The following FBXO27 variants were observed in gnomAD, a reference collection of about 807,000 sequenced individuals.
FBXO27 encodes F-box protein 27.
A neutral mutation model predicts 28.3 loss-of-function variants in FBXO27; 28 were observed. The observed-to-expected ratio is 0.99, with a 90% CI of 0.73 to 1.36. The LOEUF (loss-of-function observed/expected upper bound fraction) is 1.36, where lower values mean the gene tolerates loss of function less well. Ranked by LOEUF, FBXO27 falls within the 40% of genes most tolerant of loss-of-function variation. The pLI, the probability that FBXO27 is intolerant of heterozygous loss-of-function variation, is 0.00. For missense variants in FBXO27, 388 were observed against 394.1 expected, an observed-to-expected ratio of 0.98 and a Z score of 0.13; for synonymous variants, 175 against 167.3, an observed-to-expected ratio of 1.05 and a Z score of -0.36.
chr19:39,023,617 T>A (rs981741232), downstream of FBXO27, among the ~76,000 whole-genome samples: 18 of 151,954 alleles, frequency 1.2e-4, no homozygotes, highest in African/African-American at 3.9e-4. Flanking sequence ...ATTGTCTTTT[T>A]TTTTTTTTTA....
At position 39,032,132 on chromosome 19, in the gene FBXO27, C is replaced by A; in HGVS notation, c.96G>T (p.Glu32Asp). ...CGTGGCTCAGCACCACCAGAAGCAG[C>A]TCTGGGGGTAGTTGGCTCAGGTCCA... Reference protein sequence around the residue: ...EALDLSQLPPELLLVVLSHVP... With the variant: ...EALDLSQLPPDLLLVVLSHVP... The change falls in exon 2 of 6, where the codon GAG becomes GAT. Residue 32 changes from glutamate to aspartate, a missense_variant. Physicochemically the swap from Glu to Asp is conservative, Grantham distance 45 (BLOSUM62 2). Coordinates refer to ENST00000292853, the MANE Select transcript of FBXO27 (RefSeq NM_178820.5). The surrounding 1 kb of genome is among the most constrained non-coding windows in gnomAD (Gnocchi z 4.7). The A allele has an allele frequency of 6.5e-7, 1 of 1,542,830 alleles. No individual in the cohort carries two copies. The highest frequency in any genetic ancestry group is 1.2e-5 in the South Asian group (1 of 82,582).
chr19:39,028,512 A>T (rs1320332698), intron 4 of FBXO27, among the ~76,000 whole-genome samples: 1 of 152,174 alleles, frequency 6.6e-6, no homozygotes, highest in Non-Finnish European at 1.5e-5. Context: ...AGGTGTAAGG[A>T]CTGCTTGAAT....
intron 2 of FBXO27, among the ~76,000 whole-genome samples, chr19:39,007,066 A>AAAC (rs1975739616): frequency 2.0e-5 from 3 of 149,412 alleles, no homozygotes; most frequent in Admixed American, 1.3e-4. Flanking sequence ...CCAAAAAAAA[A>AAAC]AAAAAAAAAA....
chr19:39,030,949 C>T (rs969683420), intron 4 of FBXO27, 80 bp downstream of exon 4: 2 of 1,237,628 alleles, frequency 1.6e-6, no homozygotes, highest in African/African-American at 3.0e-5. Flanking sequence ...GTTAGGAGGC[C>T]TAAATTAAGT....
chr19:39,029,400 C>T (rs1258130017), intron 4 of FBXO27, among the ~76,000 whole-genome samples: 2 of 138,050 alleles, frequency 1.4e-5, no homozygotes, highest in African/African-American at 5.4e-5. Context: ...GCACTCTAGC[C>T]TGGGCCACCT....
downstream of FBXO27, among the ~76,000 whole-genome samples, chr19:39,019,233 C>T (rs1297720068): frequency 6.6e-6 from 1 of 150,950 alleles, no homozygotes; most frequent in Non-Finnish European, 1.5e-5. Flanking sequence ...ACCATCCTGG[C>T]TAACATGGTG....
chr19:39,025,348 A>G lies in FBXO27; in HGVS notation c.*63T>C, dbSNP rs142332928. The G allele has an allele frequency of 2.2e-3, 3,484 of 1,559,188 alleles. 63 individuals are homozygous for G. The African/African-American group carries it at 0.042, about 19-fold the overall frequency. On this transcript the variant is annotated 3_prime_UTR_variant, in exon 6 of 6. Transcript: ENST00000292853. The stretch of plus-strand genomic sequence containing the variant: ...GCTTGGTTGGTTAATGAGGGGTCCC[A>G]GCCAATGGTCCCAGGCCCTGGAAGG...
chr19:39,021,758 G>GTTCAAGCGATTC (rs1464593037), downstream of FBXO27, among the ~76,000 whole-genome samples: 3 of 152,012 alleles, frequency 2.0e-5, no homozygotes, highest in Non-Finnish European at 4.4e-5. Flanking sequence ...TGCCTCCTGG[G>GTTCAAGCGATTC]TTCAAGCGAT....
chr19:39,025,304 A>G lies in FBXO27; in HGVS notation c.*107T>C. 1 of 1,420,682 alleles carries G rather than the reference A, an allele frequency of 7.0e-7. No individual in the cohort carries two copies. The highest frequency in any genetic ancestry group is 9.5e-7 in the Non-Finnish European group (1 of 1,052,192). The allele number at this position is 1,420,682 out of a possible 1,614,324, so 88.0% of individuals were successfully genotyped here. ...TTGATTGGACCCAGGAATTCTCAGT[A>G]TGCCAGGGAGGTACAAGTGCTTGGT... On this transcript the variant is annotated 3_prime_UTR_variant, in exon 6 of 6. Coordinates refer to ENST00000292853, the MANE Select transcript of FBXO27 (RefSeq NM_178820.5).
chr19:39,025,544 A>G lies in FBXO27; in HGVS notation c.719T>C (p.Val240Ala). 5 of 1,613,728 alleles carry G rather than the reference A, an allele frequency of 3.1e-6. No individual in the cohort carries two copies. The South Asian group carries it at 5.5e-5, about 18-fold the overall frequency. ...NNNACLHVTH[V>A]FSNIKMGVRF... ...GACGCCCATCTTGATGTTGGAGAAC[A>G]CGTGGGTGACCTGTAGGCAGAGGAG... The change falls in exon 6 of 6, where the codon GTG becomes GCG. Residue 240 changes from valine (V) to alanine (A), a missense_variant. By Grantham distance (64) the Val-to-Ala change is moderately conservative (BLOSUM62 0). Coordinates refer to ENST00000292853, the MANE Select transcript of FBXO27 (RefSeq NM_178820.5).
At chr19:39,030,625 T>TTTC (rs757527016) in intron 4 of FBXO27, 2,114 of 177,162 alleles carry the variant, frequency 0.012, 38 homozygotes, top group African/African-American at 0.043. Context: ...CTTTTCTTTC[T>TTTC]TTTTTTTTTC....
chr19:39,030,880 T>C, intron 4 of FBXO27, 149 bp downstream of exon 4: 1 of 728,496 alleles, frequency 1.4e-6, no homozygotes, highest in Non-Finnish European at 2.4e-6. Flanking sequence ...AGTGCTGGGA[T>C]TATAGGTGTG....
At position 39,026,918 on chromosome 19, in the gene FBXO27, A is replaced by G; in HGVS notation, c.660T>C (p.Ser220=). The change falls in exon 5 of 6, where the codon TCT becomes TCC. Residue 220 remains serine, a synonymous_variant. Transcript: ENST00000292853. ...DANQTVLDKF[S]AVPDPIPQWN... Reference sequence around the variant, plus strand: ...ACTGCGGGATGGGATCAGGCACAGCAGAGAATTTATCTAGAACAGTCTGGT... The same window carrying G: ...ACTGCGGGATGGGATCAGGCACAGCGGAGAATTTATCTAGAACAGTCTGGT... 1 of 1,614,212 alleles carries G rather than the reference A, an allele frequency of 6.2e-7. No homozygotes were observed. The highest frequency in any genetic ancestry group is 8.5e-7 in the Non-Finnish European group (1 of 1,180,034).
At chr19:39,031,545 C>T (rs1400914738) in intron 2 of FBXO27, 6 of 615,068 alleles carry the variant, frequency 9.8e-6, no homozygotes, top group Non-Finnish European at 1.7e-5. Context: ...CAACCCCTCT[C>T]TCGGGCTCCC....
At chr19:39,021,517 T>C (rs763274288), downstream of FBXO27, among the ~76,000 whole-genome samples, 50 of 152,216 alleles carry the variant, frequency 3.3e-4, no homozygotes, top group Non-Finnish European at 6.3e-4. Context: ...AACATTTTCT[T>C]TTCTTTAGCT....
intron 2 of FBXO27, among the ~76,000 whole-genome samples, chr19:39,012,820 C>T (rs990853318): frequency 6.6e-6 from 1 of 151,790 alleles, no homozygotes; most frequent in Non-Finnish European, 1.5e-5. Flanking sequence ...ATTAGCCAGA[C>T]GTGGAGGCGC....
chr19:39,021,406 G>A (rs2072844556), downstream of FBXO27, among the ~76,000 whole-genome samples: 1 of 152,016 alleles, frequency 6.6e-6, no homozygotes, highest in Non-Finnish European at 1.5e-5. Flanking sequence ...CTCCTCTTCA[G>A]CCTACTCATT....
rs1555759230 is a variant in FBXO27 at position 39,031,926 on chromosome 19, AG to A, written c.301del (p.Leu101TrpfsTer55). 6.6e-6 allele frequency: 10 copies of A among 1,511,166 alleles called. No individual in the cohort carries two copies. Among genetic ancestry groups the A allele is most frequent in the African/African-American group, 1.5e-5 (1 of 68,924 alleles). The allele number at this position is 1,511,166 out of a possible 1,614,324, so 93.6% of individuals were successfully genotyped here. A position where few individuals can be genotyped will look rare whatever the true frequency, so the allele number is the denominator to read the frequency against. The part of the protein sequence containing the change: ...SPARNARPCP[L>X]GRFCARRPIG... ...GGGTCTGCGCGCGCAGAAGCGGCCCAGGGGGCAAGGCCTGGCGTTACGGGCG... is the reference window on the plus strand; with the variant it reads ...GGGTCTGCGCGCGCAGAAGCGGCCCAGGGGCAAGGCCTGGCGTTACGGGCG... On this transcript the variant is annotated frameshift_variant, in exon 2 of 6. Transcript: ENST00000292853. LOFTEE classifies it high-confidence loss of function.
intron 4 of FBXO27, 170 bp downstream of exon 4, chr19:39,030,859 C>T (rs1407516998): frequency 9.0e-6 from 6 of 665,052 alleles, no homozygotes; most frequent in Middle Eastern, 4.0e-4. Flanking sequence ...CTGCCTGCCT[C>T]GACCCCCCAA....
Sources: allele counts gnomAD v4.1 joint callset (sites outside exome capture counted in the v4.1 genomes callset), GRCh38; gene constraint gnomAD v4.1.1; non-coding constraint Gnocchi (gnomAD v3.1); transcripts MANE v1.5; gene names NCBI Gene and HGNC (gene_info 2026-07-23, HGNC 2026-07-21).